Variants in MEGF6 observed in about 807,000 individuals in gnomAD.
MEGF6 encodes the protein multiple EGF like domains 6.
Under a neutral mutation model 207.1 loss-of-function variants are expected in MEGF6, and 184 were observed. That is an observed-to-expected ratio of 0.89 (90% confidence interval 0.79 to 1.00). MEGF6 has a LOEUF of 1.00. MEGF6 is among the 50% of genes least tolerant of loss of function. The pLI is 0.00. For synonymous variants in MEGF6, 1,038 were observed against 910.0 expected, an observed-to-expected ratio of 1.14 and a Z score of -2.53; for missense variants, 2,282 against 2,202.9, an observed-to-expected ratio of 1.04 and a Z score of -0.72.
At position 3,500,670 on chromosome 1, in the gene MEGF6, CA is replaced by C; in HGVS notation, c.2669del (p.Leu890ArgfsTer82). 2 of 1,571,326 alleles carry C rather than the reference CA, an allele frequency of 1.3e-6. No homozygotes were observed. The highest frequency in any genetic ancestry group is 8.6e-7 in the Non-Finnish European group (1 of 1,158,504). ...GSCDAISGLCLCEAGYVGPRC... is the reference protein window; with the variant it reads ...GSCDAISGLCXCEAGYVGPRC... The stretch of plus-strand genomic sequence containing the variant: ...GCGGGCCCACGTAGCCAGCCTCACA[CA>C]GACACAGGCCGCTGATGGCATCACA... On this transcript the variant is annotated frameshift_variant, in exon 21 of 37. Coordinates refer to ENST00000356575, the MANE Select transcript of MEGF6 (RefSeq NM_001409.4). LOFTEE classifies it high-confidence loss of function.
intron 5 of MEGF6, among the ~76,000 whole-genome samples, chr1:3,516,403 G>A (rs552169473): frequency 3.2e-4 from 49 of 152,228 alleles, no homozygotes; most frequent in Non-Finnish European, 6.5e-4. Context: ...GAGGGAAGCC[G>A]CAAGAATGTG....
chr1:3,585,179 G>T (rs1487634062), intron 3 of MEGF6, among the ~76,000 whole-genome samples: 1 of 151,468 alleles, frequency 6.6e-6, no homozygotes, highest in Non-Finnish European at 1.5e-5. Flanking sequence ...TCCTGTGTGT[G>T]GGTGTGAGTG....
At chr1:3,510,924 C>T in intron 9 of MEGF6, 22 bp from the exon 10 acceptor site, 3 of 1,583,874 alleles carry the variant, frequency 1.9e-6, no homozygotes, top group Non-Finnish European at 2.6e-6. Context: ...ACGCCACGGG[C>T]CCCCTGGTAC....
chr1:3,609,383 C>A (rs955350188), intron 1 of MEGF6, among the ~76,000 whole-genome samples: 3 of 152,244 alleles, frequency 2.0e-5, no homozygotes, highest in African/African-American at 7.2e-5. Context: ...CACGTCCAGG[C>A]ACGTGCCAGG....
At chr1:3,592,526 G>A (rs1007835349) in intron 3 of MEGF6, among the ~76,000 whole-genome samples, 23 of 152,080 alleles carry the variant, frequency 1.5e-4, no homozygotes, top group Non-Finnish European at 2.8e-4. Context: ...ACATGGGCAA[G>A]CACCCGCTGC....
rs1641098779 is a variant in MEGF6 at position 3,505,975 on chromosome 1, C to T, written c.1918+133G>A. 4.8e-6 allele frequency: 6 copies of T among 1,253,076 alleles called. No individual in the cohort carries two copies. The South Asian group carries it at 9.3e-5, about 19-fold the overall frequency. 77.6% of individuals were successfully genotyped at this position (1,253,076 alleles called of 1,614,324 possible). A position where few individuals can be genotyped will look rare whatever the true frequency, so the allele number is the denominator to read the frequency against. On this transcript the variant is annotated intron_variant, in intron 15 of 36. Coordinates refer to ENST00000356575, the MANE Select transcript of MEGF6 (RefSeq NM_001409.4). ...CCACAGACTCATGGCGGACCCCAGA[C>T]CTACATCCCAGTGGGTGACCTGGCT...
intron 12 of MEGF6, 130 bp downstream of exon 12, chr1:3,508,945 T>C: frequency 1.7e-6 from 2 of 1,167,770 alleles, no homozygotes; most frequent in South Asian, 3.3e-5. Flanking sequence ...CTCTGGGCCT[T>C]GGTCTAACAT....
At chr1:3,581,367 C>A (rs1444491742) in intron 3 of MEGF6, among the ~76,000 whole-genome samples, 7 of 152,200 alleles carry the variant, frequency 4.6e-5, no homozygotes, top group Admixed American at 2.0e-4. Flanking sequence ...GCCCTACCAG[C>A]CTCTTCCCTC....
At chr1:3,492,583 C>G in intron 35 of MEGF6, 56 bp downstream of exon 35, 1 of 1,592,034 alleles carries the variant, frequency 6.3e-7, no homozygotes, top group Middle Eastern at 1.8e-4. Context: ...CAGGGTGGAG[C>G]TGAGGCTGAT....
chr1:3,560,259 T>C lies in MEGF6; in HGVS notation c.481+19566A>G, dbSNP rs1410136053. ...CATAATTTCCTGTATCATTCAATCCTCCATTGGAATGACCGCTTGGTACAG... is the reference window on the plus strand; with the variant it reads ...CATAATTTCCTGTATCATTCAATCCCCCATTGGAATGACCGCTTGGTACAG... On this transcript the variant is annotated intron_variant, in intron 4 of 36. Coordinates refer to ENST00000356575, the MANE Select transcript of MEGF6 (RefSeq NM_001409.4). This position sits in a 1 kb window ranked among gnomAD's most constrained non-coding sequence, Gnocchi z 4.0. Among the ~76,000 whole-genome samples, 2 of 152,148 alleles carry C rather than the reference T, an allele frequency of 1.3e-5. No homozygotes were observed. The highest frequency in any genetic ancestry group is 2.9e-5 in the Non-Finnish European group (2 of 68,024).
chr1:3,534,067 G>T (rs1452091945), intron 4 of MEGF6, among the ~76,000 whole-genome samples: 1 of 152,118 alleles, frequency 6.6e-6, no homozygotes, highest in African/African-American at 2.4e-5. Flanking sequence ...CCCAGGAGCC[G>T]CTGCGCGAGG....
intron 12 of MEGF6, 134 bp downstream of exon 12, chr1:3,508,941 G>A: frequency 8.6e-7 from 1 of 1,164,260 alleles, no homozygotes; most frequent in South Asian, 1.6e-5. Flanking sequence ...CCCTCTCTGG[G>A]CCTTGGTCTA....
At chr1:3,551,822 C>A (rs1417332491) in intron 4 of MEGF6, among the ~76,000 whole-genome samples, 1 of 152,308 alleles carries the variant, frequency 6.6e-6, no homozygotes, top group Admixed American at 6.5e-5. Context: ...GGTGATCACC[C>A]TGCCCGAGGC....
intron 2 of MEGF6, among the ~76,000 whole-genome samples, chr1:3,597,780 C>T (rs937625147): frequency 4.6e-5 from 7 of 152,132 alleles, no homozygotes; most frequent in African/African-American, 1.4e-4. Flanking sequence ...ACCTTGATCT[C>T]GGACTTCCGG....
chr1:3,504,775 C>T (rs752627878), intron 17 of MEGF6, among the ~76,000 whole-genome samples: 2 of 152,134 alleles, frequency 1.3e-5, no homozygotes, highest in African/African-American at 4.8e-5. Flanking sequence ...GACCCCAGGC[C>T]GGCACTGCAC....
intron 15 of MEGF6, 55 bp downstream of exon 15, chr1:3,506,053 A>T: frequency 6.5e-7 from 1 of 1,532,390 alleles, no homozygotes; most frequent in Non-Finnish European, 8.8e-7. Context: ...GACATGGACC[A>T]TCCCTTCCAC....
At chr1:3,497,668 C>A in intron 26 of MEGF6, 1 of 555,476 alleles carries the variant, frequency 1.8e-6, no homozygotes, top group Non-Finnish European at 3.3e-6. Context: ...CTCTGGCAGC[C>A]CCGCCCCATG....
intron 3 of MEGF6, among the ~76,000 whole-genome samples, chr1:3,592,331 AC>A (rs1405721199): frequency 6.6e-6 from 1 of 151,838 alleles, no homozygotes; most frequent in African/African-American, 2.4e-5. Flanking sequence ...GCTGACCCTG[AC>A]TCACTGCTCC....
intron 4 of MEGF6, among the ~76,000 whole-genome samples, chr1:3,544,095 TC>T: frequency 6.6e-6 from 1 of 152,150 alleles, no homozygotes; most frequent in South Asian, 2.1e-4. Flanking sequence ...CAGTCTGTCT[TC>T]CGGGGCCTGA....
Sources: gnomAD v4.1 joint callset for allele counts (sites outside exome capture counted in the v4.1 genomes callset) on GRCh38, gnomAD v4.1.1 for gene constraint, Gnocchi (gnomAD v3.1) non-coding constraint, MANE v1.5 for transcripts, NCBI Gene and HGNC (gene_info 2026-07-23, HGNC 2026-07-21) for gene names.